GNA12: variants seen among roughly 807,000 people sequenced by gnomAD.
GNA12 encodes the protein guanine nucleotide-binding protein subunit alpha-12.
In GNA12, 9 loss-of-function variants were observed where a neutral mutation model predicts 26.0. The ratio of observed to expected loss-of-function variants is 0.35; its 90% CI spans 0.21 to 0.60. The LOEUF (loss-of-function observed/expected upper bound fraction) is 0.60, where lower values mean the gene tolerates loss of function less well. GNA12 is among the 20% of genes least tolerant of loss of function. The pLI is 0.78. For synonymous variants in GNA12, 264 were observed against 219.6 expected (o/e 1.20, Z -1.79); for missense variants, 405 against 525.8 (o/e 0.77, Z 2.25).
chr7:2,810,075 G>A (rs1028540525), intron 1 of GNA12, among the ~76,000 whole-genome samples: 1 of 152,220 alleles, frequency 6.6e-6, no homozygotes, highest in Non-Finnish European at 1.5e-5. Flanking sequence ...GATCGCTTAA[G>A]AAGTACGCAG....
At chr7:2,841,081 T>A (rs1183232774) in intron 1 of GNA12, among the ~76,000 whole-genome samples, 2 of 152,184 alleles carry the variant, frequency 1.3e-5, no homozygotes, top group Non-Finnish European at 2.9e-5. Flanking sequence ...AGTTAACACA[T>A]TTTGTTTCTG....
chr7:2,842,057 T>G (rs1408697419), intron 1 of GNA12, among the ~76,000 whole-genome samples: 42 of 70,828 alleles, frequency 5.9e-4, no homozygotes, highest in Admixed American at 1.3e-3. Context: ...GGAAGGAAGG[T>G]AGAAAGAAAG....
At chr7:2,825,294 T>C (rs1793458959) in intron 1 of GNA12, among the ~76,000 whole-genome samples, 1 of 151,988 alleles carries the variant, frequency 6.6e-6, no homozygotes, top group Non-Finnish European at 1.5e-5. Flanking sequence ...TGCCAGGACT[T>C]CCCACTGGCC....
intron 1 of GNA12, among the ~76,000 whole-genome samples, chr7:2,831,306 G>C (rs1320828756): frequency 1.3e-5 from 2 of 148,736 alleles, no homozygotes; most frequent in Non-Finnish European, 3.0e-5. Context: ...ACTTTTAACA[G>C]AGTTTTCGAT....
chr7:2,737,379 C>T (rs1444905266), intron 2 of GNA12, among the ~76,000 whole-genome samples: 1 of 144,160 alleles, frequency 6.9e-6, no homozygotes, highest in East Asian at 2.1e-4. Flanking sequence ...ACCTCTGCCT[C>T]CTGGGTTCAA....
chr7:2,780,051 C>CGTGT (rs1554259632), intron 2 of GNA12, among the ~76,000 whole-genome samples: 3 of 62,208 alleles, frequency 4.8e-5, no homozygotes, highest in African/African-American at 1.7e-4. Context: ...TTTCTGTGTA[C>CGTGT]ATATATATAT....
intron 2 of GNA12, among the ~76,000 whole-genome samples, chr7:2,761,715 TA>T (rs1454243006): frequency 6.6e-6 from 1 of 152,060 alleles, no homozygotes; most frequent in Non-Finnish European, 1.5e-5. Flanking sequence ...TGAATTTGCT[TA>T]AAAAACAATG....
At chr7:2,797,531 A>T (rs1376943103) in intron 1 of GNA12, among the ~76,000 whole-genome samples, 1 of 152,050 alleles carries the variant, frequency 6.6e-6, no homozygotes, top group East Asian at 1.9e-4. Flanking sequence ...TGTACAACTT[A>T]ATGATTTTTA....
chr7:2,798,833 G>A (rs371712211), intron 1 of GNA12, among the ~76,000 whole-genome samples: 16 of 152,292 alleles, frequency 1.1e-4, no homozygotes, highest in African/African-American at 3.6e-4. Flanking sequence ...AGAGAACCCA[G>A]GGATAGCCCC....
intron 2 of GNA12, among the ~76,000 whole-genome samples, chr7:2,761,528 G>A (rs1045831397): frequency 1.3e-5 from 2 of 152,182 alleles, no homozygotes; most frequent in Non-Finnish European, 2.9e-5. Flanking sequence ...AAAAGAGCTG[G>A]AACGGACAGC....
chr7:2,747,912 G>C (rs968521179), intron 2 of GNA12, among the ~76,000 whole-genome samples: 3 of 151,890 alleles, frequency 2.0e-5, no homozygotes, highest in Non-Finnish European at 4.4e-5. Context: ...ATTCACAATT[G>C]CTTCAAAGAG....
chr7:2,748,694 A>C (rs1208668369), intron 2 of GNA12, among the ~76,000 whole-genome samples: 1 of 152,232 alleles, frequency 6.6e-6, no homozygotes, highest in Non-Finnish European at 1.5e-5. Flanking sequence ...TCTGCACAGC[A>C]AAAGAAACTA....
intron 1 of GNA12, among the ~76,000 whole-genome samples, chr7:2,810,882 G>C (rs998083266): frequency 6.6e-6 from 1 of 150,820 alleles, no homozygotes; most frequent in Non-Finnish European, 1.5e-5. Context: ...TGGGTGACAA[G>C]AGTGAAACTC....
intron 2 of GNA12, among the ~76,000 whole-genome samples, chr7:2,737,266 TTTGTTTTGTTTTTTTTTTTTTTG>T (rs1300162090): frequency 3.0e-5 from 2 of 66,120 alleles, no homozygotes; most frequent in Non-Finnish European, 7.0e-5. Context: ...ATCTCACAGT[TTTGTTTTGTTTTTTTTTTTTTTG>T]TTTTTTTTTT....
At chr7:2,794,236 C>G (rs1478689577) in intron 2 of GNA12, among the ~76,000 whole-genome samples, 1 of 152,096 alleles carries the variant, frequency 6.6e-6, no homozygotes, top group African/African-American at 2.4e-5. Flanking sequence ...ACTCTGGGTG[C>G]TAAGGGGGCA....
At chr7:2,744,071 T>G (rs1356451969) in intron 2 of GNA12, among the ~76,000 whole-genome samples, 1 of 152,232 alleles carries the variant, frequency 6.6e-6, no homozygotes, top group African/African-American at 2.4e-5. Context: ...CCTGCCTGCC[T>G]CTGTAGGTTC....
At chr7:2,760,949 C>G (rs1467254884) in intron 2 of GNA12, among the ~76,000 whole-genome samples, 4 of 152,230 alleles carry the variant, frequency 2.6e-5, no homozygotes, top group East Asian at 3.8e-4. Flanking sequence ...CCAGCTCCCC[C>G]TGTCCTTCCC....
chr7:2,808,670 G>T (rs1407195261), intron 1 of GNA12, among the ~76,000 whole-genome samples: 1 of 152,178 alleles, frequency 6.6e-6, no homozygotes, highest in Non-Finnish European at 1.5e-5. Context: ...CCTACTTCCT[G>T]CTGCTCCCAT....
At chr7:2,829,737 G>A (rs1407523854) in intron 1 of GNA12, among the ~76,000 whole-genome samples, 3 of 152,088 alleles carry the variant, frequency 2.0e-5, no homozygotes, top group Non-Finnish European at 4.4e-5. Flanking sequence ...TTTAGGGACG[G>A]TGTTTCGGAG....
Sources: allele counts gnomAD v4.1 joint callset (sites outside exome capture counted in the v4.1 genomes callset), GRCh38; gene constraint gnomAD v4.1.1; transcripts MANE v1.5; gene names NCBI Gene and HGNC (gene_info 2026-07-23, HGNC 2026-07-21).